ZBTB20: variants seen among roughly 807,000 people sequenced by gnomAD.
The protein encoded by ZBTB20 is zinc finger and BTB domain-containing protein 20.
Under a neutral mutation model 56.9 loss-of-function variants are expected in ZBTB20, and 9 were observed. The observed-to-expected ratio is 0.16, with a 90% CI of 0.10 to 0.28. ZBTB20 has a LOEUF of 0.28. Among genes scored for constraint, ZBTB20 ranks in the 10% least tolerant of loss-of-function variants. The pLI is 1.00. For synonymous variants in ZBTB20, 417 were observed against 420.7 expected, an observed-to-expected ratio of 0.99 and a Z score of 0.11; for missense variants, 655 against 1,003.0, an observed-to-expected ratio of 0.65 and a Z score of 4.69.
At chr3:114,559,365 T>C (rs1235399798) in intron 6 of ZBTB20, among the ~76,000 whole-genome samples, 1 of 152,218 alleles carries the variant, frequency 6.6e-6, no homozygotes, top group Non-Finnish European at 1.5e-5. Flanking sequence ...TTTACATTAA[T>C]GACTGGTCCA....
chr3:114,370,514 T>G (rs926255129), intron 10 of ZBTB20, among the ~76,000 whole-genome samples: 3 of 152,348 alleles, frequency 2.0e-5, no homozygotes, highest in Admixed American at 2.0e-4. Flanking sequence ...ATGGTCTCTC[T>G]GCACTATCCT....
chr3:114,925,131 ATG>A (rs1456982055), intron 3 of ZBTB20, among the ~76,000 whole-genome samples: 10 of 151,262 alleles, frequency 6.6e-5, no homozygotes, highest in Non-Finnish European at 8.9e-5. Context: ...TTACAGGCAC[ATG>A]CCACCACACC....
intron 11 of ZBTB20, among the ~76,000 whole-genome samples, chr3:114,349,772 T>C (rs546671283): frequency 6.6e-6 from 1 of 152,312 alleles, no homozygotes; most frequent in East Asian, 1.9e-4. Flanking sequence ...TTCACATGTA[T>C]TAATTTATTC....
intron 6 of ZBTB20, among the ~76,000 whole-genome samples, chr3:114,681,412 T>C (rs1368890387): frequency 1.3e-5 from 2 of 152,054 alleles, no homozygotes; most frequent in Non-Finnish European, 2.9e-5. Context: ...CCACCTCCCT[T>C]GGCCTCCCAA....
chr3:114,748,319 T>TTTC (rs1553807182), intron 5 of ZBTB20, among the ~76,000 whole-genome samples: 1,799 of 129,206 alleles, frequency 0.014, 6 homozygotes, highest in Middle Eastern at 0.037. Flanking sequence ...TCTTTCTTTC[T>TTTC]TTCTTTCTTT....
intron 1 of ZBTB20, among the ~76,000 whole-genome samples, chr3:115,130,485 A>G (rs1376392113): frequency 1.3e-5 from 2 of 152,256 alleles, no homozygotes; most frequent in Non-Finnish European, 2.9e-5. Flanking sequence ...AAGGGATATC[A>G]ACTGCATGTC....
chr3:115,021,872 T>G (rs969289750), intron 2 of ZBTB20, among the ~76,000 whole-genome samples: 5 of 150,610 alleles, frequency 3.3e-5, no homozygotes, highest in African/African-American at 1.2e-4. Flanking sequence ...TAAATAAAAT[T>G]TAAAAAAATT....
chr3:114,964,377 T>C (rs1165807367), intron 3 of ZBTB20, among the ~76,000 whole-genome samples: 1 of 152,156 alleles, frequency 6.6e-6, no homozygotes, highest in African/African-American at 2.4e-5. Flanking sequence ...ATTGGGCCAC[T>C]GCACTCCAGC....
chr3:114,369,041 G>A (rs566325718), intron 10 of ZBTB20, among the ~76,000 whole-genome samples: 4 of 152,174 alleles, frequency 2.6e-5, no homozygotes, highest in African/African-American at 9.6e-5. Context: ...TAGACACAGA[G>A]TTATCTTTTG....
intron 11 of ZBTB20, among the ~76,000 whole-genome samples, chr3:114,344,824 T>C (rs749885504): frequency 2.6e-5 from 4 of 152,226 alleles, no homozygotes; most frequent in Non-Finnish European, 4.4e-5. Flanking sequence ...TATGTCTATT[T>C]ACACTGAATT....
intron 5 of ZBTB20, among the ~76,000 whole-genome samples, chr3:114,721,307 A>G (rs1206480375): frequency 1.3e-5 from 2 of 152,192 alleles, no homozygotes; most frequent in Admixed American, 1.3e-4. Flanking sequence ...GGGAGAGCAT[A>G]AAGGTAATGA....
In ZBTB20 at chr3:115,045,974, C is replaced by T. The variant is rs1265654268; in HGVS notation, c.-507+25245G>A. Reference sequence around the variant, plus strand: ...TGTTTACAATCTTTCATCAAGGTATCTCTTACTGGCTCAATGATAAATTGT... The same window carrying T: ...TGTTTACAATCTTTCATCAAGGTATTTCTTACTGGCTCAATGATAAATTGT... On this transcript the variant is annotated intron_variant, in intron 2 of 11. Transcript: ENST00000675478. Among the ~76,000 whole-genome samples the T allele has an allele frequency of 5.3e-5, 8 of 152,150 alleles. No homozygotes were observed. In the East Asian group the frequency reaches 1.5e-3, roughly 29 times the overall value.
chr3:114,986,653 C>T (rs2078558587), intron 2 of ZBTB20, among the ~76,000 whole-genome samples: 1 of 152,086 alleles, frequency 6.6e-6, no homozygotes, highest in Non-Finnish European at 1.5e-5. Flanking sequence ...TGGAATATAC[C>T]TTTATCCAAA....
chr3:114,702,914 G>A (rs994294715), intron 5 of ZBTB20, among the ~76,000 whole-genome samples: 1 of 151,000 alleles, frequency 6.6e-6, no homozygotes, highest in African/African-American at 2.4e-5. Flanking sequence ...TTAAGTATTC[G>A]TTCAAAATAA....
chr3:115,141,749 G>A (rs989491662), intron 1 of ZBTB20, among the ~76,000 whole-genome samples: 1 of 152,148 alleles, frequency 6.6e-6, no homozygotes, highest in African/African-American at 2.4e-5. Context: ...ACACAGCCTA[G>A]TATCTCTGGC....
chr3:114,592,819 T>C (rs552209188), intron 6 of ZBTB20, among the ~76,000 whole-genome samples: 1 of 152,210 alleles, frequency 6.6e-6, no homozygotes, highest in Non-Finnish European at 1.5e-5. Context: ...TAATATTTTA[T>C]TCTATAAAAA....
chr3:114,961,249 C>T (rs978550237), intron 3 of ZBTB20, among the ~76,000 whole-genome samples: 2 of 150,770 alleles, frequency 1.3e-5, no homozygotes, highest in Non-Finnish European at 3.0e-5. Context: ...TGTCATAAGC[C>T]CAGGAAAAGG....
chr3:114,728,860 G>T (rs1236656431), intron 5 of ZBTB20, among the ~76,000 whole-genome samples: 4 of 152,068 alleles, frequency 2.6e-5, no homozygotes, highest in Admixed American at 2.6e-4. Context: ...TTTCTCTTAG[G>T]TTTGTTGGCT....
chr3:115,060,826 G>C (rs891245698), intron 2 of ZBTB20, among the ~76,000 whole-genome samples: 3 of 152,102 alleles, frequency 2.0e-5, no homozygotes, highest in Admixed American at 2.0e-4. Flanking sequence ...AAGGAGAAAT[G>C]AGATTAGTAT....
Sources: gnomAD v4.1 joint callset for allele counts (sites outside exome capture counted in the v4.1 genomes callset) on GRCh38, gnomAD v4.1.1 for gene constraint, MANE v1.5 for transcripts, NCBI Gene and HGNC (gene_info 2026-07-23, HGNC 2026-07-21) for gene names.